RELN: variants seen among roughly 807,000 people sequenced by gnomAD.
RELN encodes the protein reelin.
In RELN, 108 loss-of-function variants were observed where a neutral mutation model predicts 427.6. That is an observed-to-expected ratio of 0.25 (90% CI 0.22 to 0.30). The LOEUF (loss-of-function observed/expected upper bound fraction) is 0.30. RELN is among the 10% of genes least tolerant of loss of function. The pLI, the probability that RELN is intolerant of heterozygous loss-of-function variation, is 1.00. For synonymous variants in RELN, 1,524 were observed against 1,513.4 expected, an observed-to-expected ratio of 1.01 and a Z score of -0.16; for missense variants, 3,715 against 4,302.8, an observed-to-expected ratio of 0.86 and a Z score of 3.82.
chr7:103,711,047 A>T (rs762424866), intron 8 of RELN, among the ~76,000 whole-genome samples: 1 of 152,168 alleles, frequency 6.6e-6, no homozygotes, highest in Non-Finnish European at 1.5e-5. Context: ...CGTCTCAAAA[A>T]AAAATTTTTT....
chr7:103,545,265 T>C lies in RELN; in HGVS notation c.6382A>G (p.Ile2128Val), dbSNP rs766193427. ...PVTWAIDNVY[I>V]GPQCEEMCNG... Reference sequence around the variant, plus strand: ...CACATCTCCTCACACTGGGGACCGATGTAGACATTATCAATGGCCCATGTC... The same window carrying C: ...CACATCTCCTCACACTGGGGACCGACGTAGACATTATCAATGGCCCATGTC... The change falls in exon 42 of 65, where the codon ATC becomes GTC. Residue 2128 changes from isoleucine to valine, a missense_variant. Physicochemically the swap from Ile to Val is conservative, Grantham distance 29. This residue lies in a region of RELN where 1,310 missense variants were observed against 1,643.0 expected (regional missense o/e 0.80). Coordinates refer to ENST00000428762, the MANE Select transcript of RELN (RefSeq NM_005045.4). The C allele has an allele frequency of 4.3e-6, 7 of 1,613,990 alleles. No homozygotes were observed. The highest frequency in any genetic ancestry group is 4.0e-5 in the African/African-American group (3 of 74,924).
chr7:103,870,196 A>C (rs1400921095), intron 2 of RELN, among the ~76,000 whole-genome samples: 2 of 152,020 alleles, frequency 1.3e-5, no homozygotes, highest in African/African-American at 4.8e-5. Context: ...ACCTATGTAT[A>C]ATATCTTTAA....
chr7:103,477,489 A>G (rs866150516), intron 64 of RELN, among the ~76,000 whole-genome samples: 25 of 152,330 alleles, frequency 1.6e-4, no homozygotes, highest in South Asian at 1.0e-3. Flanking sequence ...ATATCTTAGA[A>G]ATATTGGTGA....
At position 103,965,363 on chromosome 7, in the gene RELN, C is replaced by T. The variant is rs578249082; in HGVS notation, c.226+23768G>A. On this transcript the variant is annotated intron_variant, in intron 1 of 64. Transcript: ENST00000428762. ...ACAACCAATGAAGTGCCTTTGTCCA[C>T]GAGAAGAAAATGGTTGCCCCAAGCA... Among the ~76,000 whole-genome samples, 7 of 152,238 alleles carry T rather than the reference C, an allele frequency of 4.6e-5. No homozygotes were observed. The South Asian group carries it at 8.3e-4, about 18-fold the overall frequency.
chr7:103,817,737 A>T (rs1218954084), intron 3 of RELN, among the ~76,000 whole-genome samples: 1 of 151,992 alleles, frequency 6.6e-6, no homozygotes, highest in Admixed American at 6.6e-5. Context: ...ACCTGAGGTC[A>T]GGAGTTTGAG....
rs1554399106 is a variant in RELN at position 103,661,538 on chromosome 7, A to AGG, written c.1290-13_1290-12dup. On this transcript the variant is annotated splice_polypyrimidine_tract_variant and intron_variant, in intron 11 of 64. Coordinates refer to ENST00000428762, the MANE Select transcript of RELN (RefSeq NM_005045.4). ...CCCAAGACATCCCATCTAAAAAAAA[A>AGG]GGGGGATTAAGAGTTAGAGTTAGAA... 7 of 1,610,300 alleles carry AGG rather than the reference A, an allele frequency of 4.3e-6. No individual in the cohort carries two copies. The highest frequency in any genetic ancestry group is 1.3e-5 in the African/African-American group (1 of 74,846).
In RELN at chr7:103,496,687, T is replaced by C. The variant is rs117061495; in HGVS notation, c.9032A>G (p.Asp3011Gly). The C allele has an allele frequency of 4.3e-6, 7 of 1,614,184 alleles. No individual in the cohort carries two copies. The East Asian group carries it at 1.3e-4, about 31-fold the overall frequency. ...AAGTCGAGTTGTGTTGGTGAGGGCATCTTCAGGAAGAAGTATGTAGTCGTG... is the reference window on the plus strand; with the variant it reads ...AAGTCGAGTTGTGTTGGTGAGGGCACCTTCAGGAAGAAGTATGTAGTCGTG... ...VRHDYILLPE[D>G]ALTNTTRLRW... Residue 3011 changes from aspartate (D) to glycine (G), a missense_variant, in exon 56 of 65, where the codon GAT becomes GGT. Coordinates refer to ENST00000428762, the MANE Select transcript of RELN (RefSeq NM_005045.4).
chr7:103,745,997 C>T (rs371813224), intron 6 of RELN, among the ~76,000 whole-genome samples: 2,698 of 152,092 alleles, frequency 0.018, 74 homozygotes, highest in African/African-American at 0.062. Flanking sequence ...GGAGGCATCA[C>T]GCTACCTGAC....
At chr7:103,888,946 G>T (rs1794784354) in intron 2 of RELN, among the ~76,000 whole-genome samples, 1 of 152,160 alleles carries the variant, frequency 6.6e-6, no homozygotes, top group South Asian at 2.1e-4. Context: ...TCCCAGGAGG[G>T]TTCTGACATT....
At position 103,797,227 on chromosome 7, in the gene RELN, C is replaced by T. The variant is rs1026884475; in HGVS notation, c.474-20600G>A. ...AAGTGATTCTCCTGCCTCAGCCTCC[C>T]GAGTAGCTGGGATTACAGGCACCCA... On this transcript the variant is annotated intron_variant, in intron 3 of 64. Coordinates refer to ENST00000428762, the MANE Select transcript of RELN (RefSeq NM_005045.4). Among the ~76,000 whole-genome samples, 13 of 152,122 alleles carry T rather than the reference C, an allele frequency of 8.5e-5. No homozygotes were observed. In the South Asian group the frequency reaches 1.7e-3, roughly 19 times the overall value.
At chr7:103,951,919 C>T (rs556596186) in intron 1 of RELN, among the ~76,000 whole-genome samples, 44 of 152,332 alleles carry the variant, frequency 2.9e-4, no homozygotes, top group African/African-American at 8.9e-4. Flanking sequence ...GTGATCCACC[C>T]GTCTTGGCCT....
At chr7:103,924,398 C>T (rs1299366244) in intron 1 of RELN, among the ~76,000 whole-genome samples, 2 of 151,892 alleles carry the variant, frequency 1.3e-5, no homozygotes, top group African/African-American at 4.9e-5. Context: ...AAGGACTAAG[C>T]TTAAGATCAA....
intron 9 of RELN, among the ~76,000 whole-genome samples, chr7:103,700,365 A>G: frequency 6.6e-6 from 1 of 152,116 alleles, no homozygotes; most frequent in Non-Finnish European, 1.5e-5. Flanking sequence ...TTTCTTATTG[A>G]GGGATATTTT....
At chr7:103,964,235 C>T (rs893305265) in intron 1 of RELN, among the ~76,000 whole-genome samples, 2 of 152,038 alleles carry the variant, frequency 1.3e-5, no homozygotes, top group Admixed American at 6.6e-5. Flanking sequence ...TGGTAGATTT[C>T]CTTATTATGT....
At chr7:103,839,470 T>C (rs188394239) in intron 2 of RELN, among the ~76,000 whole-genome samples, 13 of 152,228 alleles carry the variant, frequency 8.5e-5, no homozygotes, top group Admixed American at 8.5e-4. Context: ...AGAATTCCTG[T>C]TTTGCAACAG....
At chr7:103,806,527 A>G (rs1466350246) in intron 3 of RELN, among the ~76,000 whole-genome samples, 1 of 151,822 alleles carries the variant, frequency 6.6e-6, no homozygotes, top group African/African-American at 2.4e-5. Context: ...GTTTTTCCAC[A>G]TTGGCCAGGC....
chr7:103,699,268 C>T (rs1325161482), intron 9 of RELN, among the ~76,000 whole-genome samples: 3 of 152,090 alleles, frequency 2.0e-5, no homozygotes, highest in East Asian at 1.9e-4. Flanking sequence ...CAATGAAGCA[C>T]ATATATATCC....
chr7:103,749,305 G>A (rs1217764284), intron 6 of RELN, 121 bp downstream of exon 6: 1 of 792,418 alleles, frequency 1.3e-6, no homozygotes, highest in African/African-American at 1.7e-5. Flanking sequence ...AGCTTAACAA[G>A]TCTCACTGAT....
intron 64 of RELN, among the ~76,000 whole-genome samples, chr7:103,478,170 T>G (rs1828101968): frequency 1.3e-5 from 2 of 152,200 alleles, no homozygotes; most frequent in African/African-American, 4.8e-5. Flanking sequence ...TGCCCTATAT[T>G]GTATATATTA....
Sources: gnomAD v4.1 joint callset for allele counts (sites outside exome capture counted in the v4.1 genomes callset) on GRCh38, gnomAD v4.1.1 for gene constraint, gnomAD v4.1.1 regional missense constraint, MANE v1.5 for transcripts, NCBI Gene and HGNC (gene_info 2026-07-23, HGNC 2026-07-21) for gene names.